The following NCK1 variants were observed in gnomAD, a reference collection of about 807,000 sequenced individuals.
The protein encoded by NCK1 is NCK adaptor protein 1, also known as SH2/SH3 adapter protein NCK1.
In NCK1, 19 loss-of-function variants were observed where a neutral mutation model predicts 36.6. The ratio of observed to expected loss-of-function variants is 0.52; its 90% CI spans 0.36 to 0.76. The LOEUF (loss-of-function observed/expected upper bound fraction) is 0.76. Among genes scored for constraint, NCK1 ranks in the 30% least tolerant of loss-of-function variants. The probability of loss-of-function intolerance (pLI) is 0.00; values close to 1 mark genes in which losing one functional copy is unlikely to be tolerated. For missense variants in NCK1, 358 were observed against 445.6 expected (o/e 0.80, Z 1.77); for synonymous variants, 165 against 156.0 (o/e 1.06, Z -0.43).
chr3:136,923,108 T>TGTGTGTGTGTGTGCGCGCCTGTGTGC (rs1940153339), intron 1 of NCK1, among the ~76,000 whole-genome samples: 2 of 151,384 alleles, frequency 1.3e-5, no homozygotes, highest in Admixed American at 6.6e-5. Flanking sequence ...TATGTGTATG[T>TGTGTGTGTGTGTGCGCGCCTGTGTGC]GTGTGTGTGT....
chr3:136,876,757 G>T (rs576752824), intron 1 of NCK1, among the ~76,000 whole-genome samples: 4 of 152,032 alleles, frequency 2.6e-5, no homozygotes, highest in African/African-American at 4.8e-5. Flanking sequence ...AAGGATAGCT[G>T]TAAGGCTACA....
At chr3:136,937,496 G>A (rs1347240902) in intron 2 of NCK1, among the ~76,000 whole-genome samples, 2 of 152,134 alleles carry the variant, frequency 1.3e-5, no homozygotes, top group Non-Finnish European at 2.9e-5. Context: ...TTTCATTTCT[G>A]TGGAAAAAAC....
At chr3:136,933,087 G>A (rs1424288988) in intron 2 of NCK1, among the ~76,000 whole-genome samples, 1 of 152,212 alleles carries the variant, frequency 6.6e-6, no homozygotes, top group Non-Finnish European at 1.5e-5. Context: ...AGATTGGTGA[G>A]AACCTAGCCT....
chr3:136,930,533 C>G (rs1212250988), intron 2 of NCK1: 1 of 1,441,468 alleles, frequency 6.9e-7, no homozygotes, highest in Admixed American at 2.4e-5. Context: ...TGTTAACAAA[C>G]TGACAGAACA....
rs1448546377 is a variant in NCK1 at position 136,951,170 on chromosome 3, A to G, written c.*2717A>G. Among the ~76,000 whole-genome samples, 2 of 152,206 alleles carry G rather than the reference A, an allele frequency of 1.3e-5. No homozygotes were observed. Among genetic ancestry groups the G allele is most frequent in the East Asian group, 3.9e-4 (2 of 5,194 alleles). ...CATTCTTGCAGAATATGGCACTTAAATTATCTCCAGCTGTAATGTCCTACC... is the reference window on the plus strand; with the variant it reads ...CATTCTTGCAGAATATGGCACTTAAGTTATCTCCAGCTGTAATGTCCTACC... On this transcript the variant is annotated 3_prime_UTR_variant, in exon 4 of 4. Transcript: ENST00000481752.
chr3:136,902,875 A>C (rs4678452), intron 1 of NCK1, among the ~76,000 whole-genome samples: 103,601 of 152,080 alleles, frequency 0.68, 35,586 homozygotes, highest in East Asian at 0.87. Context: ...GGACAAAATC[A>C]ACACACATAA....
At chr3:136,912,632 C>T (rs1576972538) in intron 1 of NCK1, among the ~76,000 whole-genome samples, 2 of 151,346 alleles carry the variant, frequency 1.3e-5, no homozygotes, top group South Asian at 2.1e-4. Flanking sequence ...TTTTTAGTTT[C>T]CTTTGAGATT....
chr3:136,866,118 TC>T (rs1938402907), intron 1 of NCK1, among the ~76,000 whole-genome samples: 1 of 152,324 alleles, frequency 6.6e-6, no homozygotes, highest in Admixed American at 6.5e-5. Flanking sequence ...AGAGTATAGT[TC>T]AGAATTCATA....
intron 1 of NCK1, among the ~76,000 whole-genome samples, chr3:136,890,238 CG>C (rs1417992086): frequency 6.6e-6 from 1 of 151,832 alleles, no homozygotes; most frequent in Non-Finnish European, 1.5e-5. Context: ...GTTGCTGGCC[CG>C]GGTGCTAAGC....
chr3:136,937,259 A>G (rs1471009829), intron 2 of NCK1, among the ~76,000 whole-genome samples: 1 of 152,162 alleles, frequency 6.6e-6, no homozygotes, highest in African/African-American at 2.4e-5. Context: ...CATTGATGAA[A>G]ATCAATTGAC....
chr3:136,899,868 C>CT (rs35806195), intron 1 of NCK1: 17,070 of 1,084,704 alleles, frequency 0.016, 8 homozygotes, highest in East Asian at 0.034. Flanking sequence ...TAAAGCCATC[C>CT]TTTTTTTTTT....
intron 1 of NCK1, among the ~76,000 whole-genome samples, chr3:136,881,297 G>A (rs1310950111): frequency 1.3e-5 from 2 of 152,090 alleles, no homozygotes; most frequent in Non-Finnish European, 2.9e-5. Context: ...TTGGCTCACT[G>A]CAACCTCTGC....
intron 1 of NCK1, among the ~76,000 whole-genome samples, chr3:136,867,233 A>G (rs1284584432): frequency 8.6e-6 from 1 of 115,764 alleles, no homozygotes; most frequent in Admixed American, 1.0e-4. Flanking sequence ...CCGTCCATCC[A>G]TCCGTCTGTC....
At chr3:136,872,814 G>A (rs1278588432) in intron 1 of NCK1, among the ~76,000 whole-genome samples, 1 of 152,210 alleles carries the variant, frequency 6.6e-6, no homozygotes, top group Non-Finnish European at 1.5e-5. Flanking sequence ...GAGGGTGCAA[G>A]CCCCAAGCCT....
chr3:136,944,628 A>G (rs901305210), intron 2 of NCK1, among the ~76,000 whole-genome samples: 2 of 152,242 alleles, frequency 1.3e-5, no homozygotes, highest in African/African-American at 4.8e-5. Flanking sequence ...CGAGAGTCCC[A>G]AGAGAGTCAG....
At chr3:136,946,400 A>G in intron 3 of NCK1, 105 bp downstream of exon 3, 1 of 937,912 alleles carries the variant, frequency 1.1e-6, no homozygotes. Flanking sequence ...TTAACCAGGT[A>G]ACAAGCTGGG....
intron 2 of NCK1, chr3:136,930,690 G>A: frequency 1.9e-6 from 2 of 1,057,138 alleles, no homozygotes; most frequent in Non-Finnish European, 2.5e-6. Context: ...TATTTGGTGG[G>A]TTTATGTAAG....
In NCK1 at chr3:136,948,624, T is replaced by C; in HGVS notation, c.*171T>C. 1 of 555,258 alleles carries C rather than the reference T, an allele frequency of 1.8e-6. No homozygotes were observed. The highest frequency in any genetic ancestry group is 3.2e-6 in the Non-Finnish European group (1 of 314,822). 34.4% of individuals were successfully genotyped at this position (555,258 alleles called of 1,614,324 possible). A position where few individuals can be genotyped will look rare whatever the true frequency, so the allele number is the denominator to read the frequency against. On this transcript the variant is annotated 3_prime_UTR_variant, in exon 4 of 4. Coordinates refer to ENST00000481752, the MANE Select transcript of NCK1 (RefSeq NM_001291999.2). ...TCAGCCCATACATATATACTATGTA[T>C]GCAGTGCATCTGCATAGAACAGTTC...
At chr3:136,947,227 A>G (rs1184414905) in intron 3 of NCK1, among the ~76,000 whole-genome samples, 1 of 152,144 alleles carries the variant, frequency 6.6e-6, no homozygotes, top group African/African-American at 2.4e-5. Context: ...GGGAAGAGTG[A>G]TGACATCCAT....
Sources: gnomAD v4.1 joint callset for allele counts (sites outside exome capture counted in the v4.1 genomes callset) on GRCh38, gnomAD v4.1.1 for gene constraint, MANE v1.5 for transcripts, NCBI Gene and HGNC (gene_info 2026-07-23, HGNC 2026-07-21) for gene names.